Variants in TXNDC9 observed in about 807,000 individuals in gnomAD.
The protein encoded by TXNDC9 is thioredoxin domain-containing protein 9.
A neutral mutation model predicts 23.0 loss-of-function variants in TXNDC9; 7 were observed. The observed-to-expected ratio is 0.30, with a 90% confidence interval of 0.17 to 0.57. The LOEUF is 0.57. TXNDC9 is among the 20% of genes least tolerant of loss of function. The pLI, the probability that TXNDC9 is intolerant of heterozygous loss-of-function variation, is 0.90. For missense variants in TXNDC9, 198 were observed against 252.6 expected (o/e 0.78, Z 1.47); for synonymous variants, 72 against 90.6 (o/e 0.79, Z 1.17).
the TXNDC9 span, among the ~76,000 whole-genome samples, chr2:99,308,869 G>C: frequency 6.6e-5 from 10 of 151,822 alleles, no homozygotes; most frequent in Non-Finnish European, 1.3e-4. Flanking sequence ...TCGCCACCAC[G>C]CCTGGCTAAT....
At chr2:99,323,765 C>T (rs1036291120) in intron 3 of TXNDC9, among the ~76,000 whole-genome samples, 2 of 152,124 alleles carry the variant, frequency 1.3e-5, no homozygotes, top group East Asian at 1.9e-4. Context: ...GGCCAATTCA[C>T]GAGTGTTTCT....
At chr2:99,330,290 CAAA>C (rs528602849) in intron 2 of TXNDC9, among the ~76,000 whole-genome samples, 17 of 28,158 alleles carry the variant, frequency 6.0e-4, no homozygotes, top group South Asian at 2.6e-3. Context: ...ACTCTTATCT[CAAA>C]AAAAAAAAAA....
the TXNDC9 span, among the ~76,000 whole-genome samples, chr2:99,308,274 C>T: frequency 7.2e-5 from 11 of 152,048 alleles, no homozygotes; most frequent in African/African-American, 2.7e-4. Context: ...AATGATCAAA[C>T]TTTCAGAGGT....
At chr2:99,311,225 A>G in the TXNDC9 span, among the ~76,000 whole-genome samples, 1 of 152,080 alleles carries the variant, frequency 6.6e-6, no homozygotes, top group Admixed American at 6.6e-5. Context: ...TGGTCTTCTG[A>G]CACAGGAGAA....
intron 3 of TXNDC9, chr2:99,322,538 G>C: frequency 1.3e-6 from 2 of 1,484,600 alleles, no homozygotes; most frequent in East Asian, 2.5e-5. Context: ...ACTGAAACTT[G>C]ACAAAACTCG....
chr2:99,333,333 A>T, intron 1 of TXNDC9, 91 bp from the exon 2 acceptor site: 1 of 1,031,394 alleles, frequency 9.7e-7, no homozygotes, highest in Non-Finnish European at 1.4e-6. Flanking sequence ...GCAAGTGTAT[A>T]ATGTGTACTC....
intron 2 of TXNDC9, among the ~76,000 whole-genome samples, chr2:99,330,998 G>A (rs1288798473): frequency 6.6e-6 from 1 of 152,204 alleles, no homozygotes; most frequent in African/African-American, 2.4e-5. Context: ...CTTATAGCCA[G>A]TCTGCCTTAG....
intron 3 of TXNDC9, chr2:99,322,819 T>C (rs1369984320): frequency 2.1e-6 from 2 of 951,390 alleles, no homozygotes; most frequent in Non-Finnish European, 2.8e-6. Context: ...TGGAGTGCAG[T>C]GGCACAAGCT....
intron 4 of TXNDC9, 38 bp from the exon 5 acceptor site, chr2:99,319,837 TA>T: frequency 7.7e-7 from 1 of 1,303,074 alleles, no homozygotes; most frequent in South Asian, 1.3e-5. Flanking sequence ...CTTTATGATT[TA>T]GTACTAGTAT....
chr2:99,317,280 G>C (rs1021264442), downstream of TXNDC9, among the ~76,000 whole-genome samples: 2 of 152,092 alleles, frequency 1.3e-5, no homozygotes, highest in Non-Finnish European at 2.9e-5. Flanking sequence ...TGTATGTCTT[G>C]TAGTTTGTTG....
intron 2 of TXNDC9, among the ~76,000 whole-genome samples, chr2:99,330,396 T>C (rs1052344519): frequency 2.5e-4 from 37 of 150,974 alleles, no homozygotes; most frequent in African/African-American, 5.6e-4. Flanking sequence ...CTGGGCTCCT[T>C]TGAGGGAGGA....
rs528225236 is a variant in TXNDC9, at chr2:99,322,627, G to A, written c.309-418C>T. On this transcript the variant is annotated intron_variant, in intron 3 of 4. Coordinates refer to ENST00000264255, the MANE Select transcript of TXNDC9 (RefSeq NM_005783.4). ...TGAAGAAAAACTGAACAGCATTACC[G>A]AGGAAAAACTTCTTACTCCTAAATA... The A allele has an allele frequency of 3.2e-4, 491 of 1,545,622 alleles. 1 individual carries two copies. The highest frequency in any genetic ancestry group is 6.7e-4 in the Middle Eastern group (4 of 5,962).
At chr2:99,331,793 A>C (rs1175304853) in intron 2 of TXNDC9, among the ~76,000 whole-genome samples, 2 of 152,094 alleles carry the variant, frequency 1.3e-5, no homozygotes, top group East Asian at 3.9e-4. Context: ...GCAGTAGCAC[A>C]ATCTCGACTC....
chr2:99,316,819 C>G (rs1414589687), downstream of TXNDC9, among the ~76,000 whole-genome samples: 2 of 152,030 alleles, frequency 1.3e-5, no homozygotes, highest in Non-Finnish European at 2.9e-5. Context: ...TGCAGTGGCG[C>G]AATCTCGGCT....
chr2:99,331,948 T>A (rs970409782), intron 2 of TXNDC9, among the ~76,000 whole-genome samples: 1 of 152,150 alleles, frequency 6.6e-6, no homozygotes, highest in Non-Finnish European at 1.5e-5. Flanking sequence ...CAGGCTGGTA[T>A]TGAACTCCCG....
downstream of TXNDC9, among the ~76,000 whole-genome samples, chr2:99,316,470 A>G (rs894110066): frequency 1.3e-5 from 2 of 152,076 alleles, no homozygotes; most frequent in East Asian, 1.9e-4. Flanking sequence ...CATTGGGCCA[A>G]TGGGTTTTCT....
At chr2:99,313,963 T>A in the TXNDC9 span, among the ~76,000 whole-genome samples, 1 of 152,354 alleles carries the variant, frequency 6.6e-6, no homozygotes, top group East Asian at 1.9e-4. Context: ...TAGTATATAT[T>A]TTTTCAATAA....
chr2:99,317,757 C>A (rs561653625), downstream of TXNDC9, among the ~76,000 whole-genome samples: 2 of 152,130 alleles, frequency 1.3e-5, no homozygotes, highest in South Asian at 4.1e-4. Context: ...GTATTACAGG[C>A]ATGAGCCACC....
intron 2 of TXNDC9, among the ~76,000 whole-genome samples, chr2:99,330,968 T>C (rs2094224157): frequency 6.6e-6 from 1 of 152,242 alleles, no homozygotes; most frequent in African/African-American, 2.4e-5. Flanking sequence ...AATTGATTTA[T>C]ACATTAATAA....
Sources: gnomAD v4.1 joint callset for allele counts (sites outside exome capture counted in the v4.1 genomes callset) on GRCh38, gnomAD v4.1.1 for gene constraint, MANE v1.5 for transcripts, NCBI Gene and HGNC (gene_info 2026-07-23, HGNC 2026-07-21) for gene names.